METTL15: variants seen among roughly 807,000 people sequenced by gnomAD.
The protein encoded by METTL15 is methyltransferase 15, mitochondrial 12S rRNA N4-cytidine.
Under a neutral mutation model 38.3 loss-of-function variants are expected in METTL15, and 34 were observed. The observed-to-expected ratio is 0.89, with a 90% CI of 0.68 to 1.18. The LOEUF (loss-of-function observed/expected upper bound fraction) is 1.18. METTL15 is among the 50% of genes most tolerant of loss of function. METTL15 has a pLI of 0.00. For synonymous variants in METTL15, 162 were observed against 170.9 expected, an observed-to-expected ratio of 0.95 and a Z score of 0.41; for missense variants, 438 against 498.4, an observed-to-expected ratio of 0.88 and a Z score of 1.15.
intron 6 of METTL15, among the ~76,000 whole-genome samples, chr11:28,502,409 G>A (rs545684918): frequency 1.3e-5 from 2 of 152,314 alleles, no homozygotes; most frequent in South Asian, 4.1e-4. Context: ...AAATGAGCAG[G>A]TGAATATGGT....
intron 3 of METTL15, among the ~76,000 whole-genome samples, chr11:28,180,604 T>A (rs1851247556): frequency 1.3e-5 from 2 of 151,932 alleles, no homozygotes; most frequent in Admixed American, 1.3e-4. Flanking sequence ...CAACCTTTTC[T>A]TTGTACTTCT....
At chr11:28,122,555 T>C (rs1369808271) in intron 3 of METTL15, among the ~76,000 whole-genome samples, 1 of 151,322 alleles carries the variant, frequency 6.6e-6, no homozygotes, top group African/African-American at 2.4e-5. Flanking sequence ...ATATTGTTTT[T>C]ATATATATAT....
chr11:28,455,730 G>A (rs968393706), intron 6 of METTL15, among the ~76,000 whole-genome samples: 2 of 151,840 alleles, frequency 1.3e-5, no homozygotes, highest in African/African-American at 4.8e-5. Flanking sequence ...TTTTTGAGAC[G>A]GAGTCTCGCT....
intron 3 of METTL15, among the ~76,000 whole-genome samples, chr11:28,179,820 A>G (rs1202576861): frequency 6.6e-6 from 1 of 151,838 alleles, no homozygotes; most frequent in Non-Finnish European, 1.5e-5. Flanking sequence ...TAGGAAATAG[A>G]GCCAAGCAGT....
chr11:28,353,787 C>T (rs573949492), intron 4 of METTL15, among the ~76,000 whole-genome samples: 61 of 151,238 alleles, frequency 4.0e-4, no homozygotes, highest in Non-Finnish European at 1.9e-4. Context: ...TAGCCGGGCG[C>T]GGTGGCGGGC....
chr11:28,238,817 A>T (rs6484358), intron 4 of METTL15, among the ~76,000 whole-genome samples: 43,696 of 151,954 alleles, frequency 0.29, 7,063 homozygotes, highest in African/African-American at 0.43. Flanking sequence ...GCTCTACCAA[A>T]ACTCCTTTTG....
intron 5 of METTL15, among the ~76,000 whole-genome samples, chr11:28,293,127 A>G (rs1018318220): frequency 2.0e-5 from 3 of 152,016 alleles, no homozygotes; most frequent in Non-Finnish European, 4.4e-5. Context: ...TGAAGTCCTT[A>G]CCCATGCCTA....
intron 4 of METTL15, among the ~76,000 whole-genome samples, chr11:28,234,245 A>C (rs907549374): frequency 6.6e-6 from 1 of 152,128 alleles, no homozygotes; most frequent in Admixed American, 6.5e-5. Flanking sequence ...TGCTATTGTG[A>C]ATAGTGCTGC....
At position 28,457,621 on chromosome 11, in the gene METTL15, G is replaced by A. The variant is rs1265344647; in HGVS notation, c.*424+33257G>A. On this transcript the variant is annotated intron_variant and NMD_transcript_variant, in intron 6 of 7. Transcript: ENST00000532947. ...CACATAAGGGCTCTGATTCCCCCAC[G>A]TCTAGCATTCTTGTCTTCTAGATGT... Among the ~76,000 whole-genome samples the A allele has an allele frequency of 5.9e-5, 9 of 152,100 alleles. No individual in the cohort carries two copies. In the South Asian group the frequency reaches 8.3e-4, roughly 14 times the overall value.
chr11:28,289,095 A>G (rs540966527), intron 4 of METTL15, among the ~76,000 whole-genome samples: 1 of 152,260 alleles, frequency 6.6e-6, no homozygotes, highest in African/African-American at 2.4e-5. Flanking sequence ...TGTGTTTCCA[A>G]TGCTAGTATT....
intron 3 of METTL15, among the ~76,000 whole-genome samples, chr11:28,129,705 C>T (rs1852672852): frequency 1.3e-5 from 2 of 152,104 alleles, no homozygotes; most frequent in South Asian, 4.1e-4. Flanking sequence ...TCACTGCGCT[C>T]AGCCCCTTAT....
chr11:28,470,121 T>C (rs1359625701), intron 6 of METTL15, among the ~76,000 whole-genome samples: 1 of 152,158 alleles, frequency 6.6e-6, no homozygotes, highest in African/African-American at 2.4e-5. Flanking sequence ...CCATTGGTAA[T>C]AATGTTCAAG....
At chr11:28,471,928 T>A (rs561523905) in intron 6 of METTL15, among the ~76,000 whole-genome samples, 5 of 152,050 alleles carry the variant, frequency 3.3e-5, no homozygotes, top group Non-Finnish European at 7.4e-5. Flanking sequence ...TGAAAGCTAT[T>A]TGAATGATTT....
intron 3 of METTL15, among the ~76,000 whole-genome samples, chr11:28,207,697 C>A (rs9754898): frequency 6.6e-6 from 1 of 152,062 alleles, no homozygotes; most frequent in African/African-American, 2.4e-5. Flanking sequence ...CCAATTCCTC[C>A]TTGTGCCTCT....
intron 6 of METTL15, among the ~76,000 whole-genome samples, chr11:28,497,247 G>A (rs1430845826): frequency 1.3e-5 from 2 of 152,178 alleles, no homozygotes. Flanking sequence ...TCCAGTGCTT[G>A]CAAATACTAG....
At chr11:28,393,162 C>G (rs190418753) in intron 5 of METTL15, among the ~76,000 whole-genome samples, 1 of 152,102 alleles carries the variant, frequency 6.6e-6, no homozygotes, top group Admixed American at 6.6e-5. Context: ...ATCCTTCAAT[C>G]TTACTTTTGA....
At chr11:28,253,457 A>G (rs1854831128) in intron 4 of METTL15, among the ~76,000 whole-genome samples, 1 of 152,222 alleles carries the variant, frequency 6.6e-6, no homozygotes, top group South Asian at 2.1e-4. Flanking sequence ...AGTGAAAATC[A>G]ATCTAATTGT....
rs1166473982 is a variant in METTL15, at chr11:28,294,108, G to A, written c.600-2645G>A. Among the ~76,000 whole-genome samples, 15 of 152,302 alleles carry A rather than the reference G, an allele frequency of 9.8e-5. No individual in the cohort carries two copies. The Middle Eastern group carries it at 0.01, about 104-fold the overall frequency. The stretch of plus-strand genomic sequence containing the variant: ...CAACACTATGTTGAATAGGAGTGGT[G>A]AGAGAGGGCATCCCTGTCTTGTGCC... On this transcript the variant is annotated intron_variant, in intron 5 of 6. Transcript: ENST00000407364.
intron 6 of METTL15, among the ~76,000 whole-genome samples, chr11:28,457,440 C>T (rs1408755855): frequency 1.3e-5 from 2 of 152,146 alleles, no homozygotes; most frequent in Non-Finnish European, 2.9e-5. Context: ...CTTAAGCACT[C>T]TATAATTTAT....
Sources: allele counts gnomAD v4.1 joint callset (sites outside exome capture counted in the v4.1 genomes callset), GRCh38; gene constraint gnomAD v4.1.1; transcripts MANE v1.5; gene names NCBI Gene and HGNC (gene_info 2026-07-23, HGNC 2026-07-21).